The following C6orf89 variants were observed in gnomAD, a reference collection of about 807,000 sequenced individuals.
C6orf89 encodes bombesin receptor-activated protein C6orf89.
In C6orf89, 29 loss-of-function variants were observed where a neutral mutation model predicts 40.7. The observed-to-expected ratio is 0.71, with a 90% confidence interval of 0.53 to 0.97. C6orf89 has a LOEUF of 0.97. C6orf89 is among the 50% of genes least tolerant of loss of function. The pLI, the probability that C6orf89 is intolerant of heterozygous loss-of-function variation, is 0.00. For synonymous variants in C6orf89, 165 were observed against 152.2 expected (o/e 1.08, Z -0.62); for missense variants, 392 against 429.1 (o/e 0.91, Z 0.76).
chr6:36,905,618 T>C (rs1037244480), intron 4 of C6orf89, among the ~76,000 whole-genome samples: 1 of 152,184 alleles, frequency 6.6e-6, no homozygotes, highest in Non-Finnish European at 1.5e-5. Flanking sequence ...TTATGGATAA[T>C]ATTTGACTGA....
At chr6:36,897,679 A>G (rs1187022437) in intron 2 of C6orf89, among the ~76,000 whole-genome samples, 2 of 152,240 alleles carry the variant, frequency 1.3e-5, no homozygotes, top group Non-Finnish European at 2.9e-5. Context: ...AGGTGATTCT[A>G]ATGTGCAAGC....
At chr6:36,920,721 C>T (rs886745769) in intron 8 of C6orf89, among the ~76,000 whole-genome samples, 1 of 152,168 alleles carries the variant, frequency 6.6e-6, no homozygotes, top group Admixed American at 6.5e-5. Flanking sequence ...CCTACAAAAA[C>T]GAGGATTCTT....
intron 1 of C6orf89, among the ~76,000 whole-genome samples, chr6:36,878,270 G>A (rs1335291067): frequency 6.6e-6 from 1 of 152,044 alleles, no homozygotes; most frequent in Non-Finnish European, 1.5e-5. Flanking sequence ...CTGTTTCATT[G>A]GTTTCATACA....
upstream of C6orf89, among the ~76,000 whole-genome samples, chr6:36,881,517 A>G (rs116115071): frequency 0.013 from 1,948 of 152,222 alleles, 27 homozygotes; most frequent in African/African-American, 0.035. Flanking sequence ...TACTAAACAT[A>G]CAAAAAATTA....
Position 36,925,463 on chromosome 6 carries a change from T to G in C6orf89, c.*2022T>G, listed in dbSNP as rs1762648454. On this transcript the variant is annotated 3_prime_UTR_variant, in exon 9 of 9. Transcript: ENST00000480824. ...AAGAAACCCTTGCATGTGTTGGTAT[T>G]CTGAGGCATCCCGTGGGAAAGTCCC... The G allele has an allele frequency of 6.6e-6, 1 of 152,214 alleles. No homozygotes were observed. The highest frequency in any genetic ancestry group is 2.4e-5 in the African/African-American group (1 of 41,450). 9.4% of individuals were successfully genotyped at this position (152,214 alleles called of 1,614,324 possible).
rs1762665321 is a variant in C6orf89 at position 36,926,049 on chromosome 6, C to G, written c.*2608C>G. ...TTCACTTTCATGTGGCCTCCCACTA[C>G]AGAGATGCGTATGCCCAGAAGTCAG... On this transcript the variant is annotated 3_prime_UTR_variant, in exon 9 of 9. Coordinates refer to ENST00000480824, the MANE Select transcript of C6orf89 (RefSeq NM_001286635.2). The G allele has an allele frequency of 6.6e-6, 1 of 152,226 alleles. No individual in the cohort carries two copies. Among genetic ancestry groups the G allele is most frequent in the Non-Finnish European group, 1.5e-5 (1 of 68,046 alleles). 9.4% of individuals were successfully genotyped at this position (152,226 alleles called of 1,614,324 possible). A position where few individuals can be genotyped will look rare whatever the true frequency, so the allele number is the denominator to read the frequency against.
chr6:36,892,627 T>C (rs1761248119), intron 1 of C6orf89: 1 of 152,266 alleles, frequency 6.6e-6, no homozygotes, highest in Non-Finnish European at 1.5e-5. Context: ...TGTGTGCCTT[T>C]AATCAGCAGA....
upstream of C6orf89, among the ~76,000 whole-genome samples, chr6:36,882,884 C>G (rs1308047191): frequency 9.9e-5 from 15 of 151,322 alleles, no homozygotes; most frequent in Admixed American, 9.9e-4. Context: ...ACTACAGGCG[C>G]CCGCCACCGC....
intron 4 of C6orf89, among the ~76,000 whole-genome samples, chr6:36,907,290 G>A (rs1315664694): frequency 1.3e-5 from 2 of 151,906 alleles, no homozygotes; most frequent in Admixed American, 6.6e-5. Flanking sequence ...GTTTTGTTTT[G>A]TTTTGTTTTG....
At chr6:36,877,413 C>G (rs1415713926) in intron 1 of C6orf89, among the ~76,000 whole-genome samples, 2 of 152,184 alleles carry the variant, frequency 1.3e-5, no homozygotes, top group Non-Finnish European at 2.9e-5. Flanking sequence ...TCACTGTAAC[C>G]TCCACCTCGT....
intron 7 of C6orf89, 149 bp from the exon 8 acceptor site, chr6:36,919,429 T>C: frequency 1.1e-6 from 1 of 922,558 alleles, no homozygotes; most frequent in South Asian, 1.8e-5. Context: ...TGGACATAAT[T>C]GCAAATTTTT....
At chr6:36,897,274 G>A (rs554209071) in intron 2 of C6orf89, among the ~76,000 whole-genome samples, 80 of 151,848 alleles carry the variant, frequency 5.3e-4, no homozygotes, top group Non-Finnish European at 8.5e-4. Flanking sequence ...TAGGGTATTC[G>A]TTCCAGAATC....
intron 1 of C6orf89, among the ~76,000 whole-genome samples, chr6:36,890,849 T>C (rs1300170637): frequency 1.3e-5 from 2 of 152,200 alleles, no homozygotes; most frequent in Non-Finnish European, 1.5e-5. Flanking sequence ...TGTACCTTGA[T>C]TGTAAATTTT....
At chr6:36,874,807 T>C (rs1397143429) in intron 1 of C6orf89, 2 of 1,611,610 alleles carry the variant, frequency 1.2e-6, no homozygotes, top group African/African-American at 1.3e-5. Context: ...GTCTAGTAAT[T>C]GCTACTTCCG....
chr6:36,879,562 T>C (rs1429697431), intron 2 of C6orf89, among the ~76,000 whole-genome samples: 2 of 152,204 alleles, frequency 1.3e-5, no homozygotes, highest in Non-Finnish European at 2.9e-5. Context: ...TCACTGTTTA[T>C]TTATCTCTTC....
chr6:36,901,312 A>ATT (rs1554136270), intron 3 of C6orf89, among the ~76,000 whole-genome samples: 7 of 64,652 alleles, frequency 1.1e-4, no homozygotes, highest in Admixed American at 1.7e-4. Flanking sequence ...TATTATTATT[A>ATT]TTATTATTAT....
chr6:36,914,456 C>T, intron 5 of C6orf89, 21 bp downstream of exon 5: 3 of 1,613,796 alleles, frequency 1.9e-6, no homozygotes, highest in East Asian at 2.2e-5. Flanking sequence ...GCCTGAGTCT[C>T]CCGCTGATTG....
intron 4 of C6orf89, among the ~76,000 whole-genome samples, chr6:36,905,952 C>T (rs572814124): frequency 2.6e-5 from 4 of 152,358 alleles, no homozygotes; most frequent in Non-Finnish European, 5.9e-5. Context: ...ATCACACTTA[C>T]AGCCTGCCAT....
chr6:36,902,185 T>C, intron 3 of C6orf89, 36 bp from the exon 4 acceptor site: 2 of 1,569,982 alleles, frequency 1.3e-6, no homozygotes, highest in Non-Finnish European at 1.8e-6. Context: ...GGTATTTGTT[T>C]GCTGGGATTA....
Sources: gnomAD v4.1 joint callset for allele counts (sites outside exome capture counted in the v4.1 genomes callset) on GRCh38, gnomAD v4.1.1 for gene constraint, MANE v1.5 for transcripts, NCBI Gene and HGNC (gene_info 2026-07-23, HGNC 2026-07-21) for gene names.